Variants in CSMD1 observed in about 807,000 individuals in gnomAD.
CSMD1 encodes CUB and Sushi multiple domains 1, also known as CUB and sushi domain-containing protein 1.
Under a neutral mutation model 417.5 loss-of-function variants are expected in CSMD1, and 213 were observed. The observed-to-expected ratio is 0.51, with a 90% confidence interval of 0.46 to 0.57. The LOEUF is 0.57. CSMD1 is among the 20% of genes least tolerant of loss of function. CSMD1 has a pLI of 0.00. For synonymous variants in CSMD1, 2,862 were observed against 1,736.8 expected (o/e 1.65, Z -16.11); for missense variants, 6,923 against 4,529.7 (o/e 1.53, Z -15.17).
chr8:4,148,218 G>C (rs552656825), intron 3 of CSMD1, among the ~76,000 whole-genome samples: 16 of 152,000 alleles, frequency 1.1e-4, no homozygotes, highest in Admixed American at 7.2e-4. Context: ...AGTTGCTATA[G>C]ACTGGGCAAC....
At chr8:3,335,940 C>G (rs1204739430) in intron 23 of CSMD1, among the ~76,000 whole-genome samples, 1 of 152,178 alleles carries the variant, frequency 6.6e-6, no homozygotes, top group Non-Finnish European at 1.5e-5. Context: ...GTCTGGCCTT[C>G]CTACCCAGCG....
At chr8:4,283,617 C>G (rs1351029452) in intron 3 of CSMD1, among the ~76,000 whole-genome samples, 1 of 152,280 alleles carries the variant, frequency 6.6e-6, no homozygotes, top group African/African-American at 2.4e-5. Flanking sequence ...GGACACGAAA[C>G]TTTCCCAAGA....
chr8:4,744,263 C>T (rs1207048739), intron 1 of CSMD1, among the ~76,000 whole-genome samples: 5 of 152,172 alleles, frequency 3.3e-5, no homozygotes, highest in Admixed American at 2.6e-4. Flanking sequence ...AGCTCAGGGG[C>T]TTGAACTTTG....
At chr8:3,259,865 T>TA (rs11418185) in intron 26 of CSMD1, among the ~76,000 whole-genome samples, 114,830 of 152,108 alleles carry the variant, frequency 0.75, 44,349 homozygotes, top group Non-Finnish European at 0.84. Flanking sequence ...AATATCAAAA[T>TA]AAAATATTAA....
At chr8:3,961,082 C>G (rs571510540) in intron 5 of CSMD1, among the ~76,000 whole-genome samples, 106 of 152,026 alleles carry the variant, frequency 7.0e-4, no homozygotes, top group African/African-American at 2.5e-3. Flanking sequence ...CATGAACAAA[C>G]TCAAAGGCTA....
At chr8:2,940,690 T>C (rs1481927390) in intron 69 of CSMD1, among the ~76,000 whole-genome samples, 1 of 152,218 alleles carries the variant, frequency 6.6e-6, no homozygotes, top group African/African-American at 2.4e-5. Context: ...TCAGAAGTGA[T>C]ATTTATGTAT....
At chr8:3,853,720 G>C (rs140528165) in intron 5 of CSMD1, among the ~76,000 whole-genome samples, 1 of 151,788 alleles carries the variant, frequency 6.6e-6, no homozygotes, top group East Asian at 1.9e-4. Context: ...AAACCACCTC[G>C]GGGTGGGGGG....
intron 3 of CSMD1, among the ~76,000 whole-genome samples, chr8:4,074,428 C>G (rs566315521): frequency 6.6e-6 from 1 of 151,986 alleles, no homozygotes; most frequent in Non-Finnish European, 1.5e-5. Flanking sequence ...GTTTTTTGTA[C>G]ATGATTATTT....
At position 3,580,590 on chromosome 8, in the gene CSMD1, G is replaced by A. The variant is rs985512535; in HGVS notation, c.1223-5524C>T. ...CCAATAACTTAGTAAAAATAATAAG[G>A]AGAAAAATATATTTTCTCCCAGGTG... On this transcript the variant is annotated intron_variant, in intron 9 of 69. Coordinates refer to ENST00000635120, the MANE Select transcript of CSMD1 (RefSeq NM_033225.6). 5.3e-5 allele frequency among the ~76,000 whole-genome samples: 8 copies of A among 152,158 alleles called. No individual in the cohort carries two copies. In the South Asian group the frequency reaches 1.5e-3, roughly 28 times the overall value.
chr8:3,431,465 A>G (rs961807354), intron 12 of CSMD1, among the ~76,000 whole-genome samples: 8 of 152,108 alleles, frequency 5.3e-5, no homozygotes, highest in African/African-American at 1.7e-4. Context: ...TTAAAAGGCT[A>G]TTTAACTGGT....
At chr8:4,923,414 G>T (rs1470682858) in intron 1 of CSMD1, among the ~76,000 whole-genome samples, 1 of 152,156 alleles carries the variant, frequency 6.6e-6, no homozygotes, top group Non-Finnish European at 1.5e-5. Flanking sequence ...AAGGATAAAT[G>T]TTGGAGGGGA....
In CSMD1 at chr8:4,705,185, G is replaced by A. The variant is rs145255718; in HGVS notation, c.86-67627C>T. On this transcript the variant is annotated intron_variant, in intron 1 of 69. Coordinates refer to ENST00000635120, the MANE Select transcript of CSMD1 (RefSeq NM_033225.6). ...TCACCATAATTGTAAGTTTCCTGAG[G>A]CCTTCCCACCCATGAAGAACTGTGA... is the stretch of plus-strand genomic sequence containing the variant. 1.3e-3 allele frequency among the ~76,000 whole-genome samples: 196 copies of A among 152,086 alleles called. 2 individuals carry two copies. The highest frequency in any genetic ancestry group is 4.6e-3 in the African/African-American group (189 of 41,452).
At chr8:4,369,373 T>C (rs1209421177) in intron 3 of CSMD1, among the ~76,000 whole-genome samples, 2 of 152,184 alleles carry the variant, frequency 1.3e-5, no homozygotes, top group Non-Finnish European at 2.9e-5. Context: ...ATGTGGTTGA[T>C]CTTAGACTGT....
At chr8:3,487,540 T>C (rs115889529) in intron 11 of CSMD1, among the ~76,000 whole-genome samples, 2,878 of 152,248 alleles carry the variant, frequency 0.019, 107 homozygotes, top group African/African-American at 0.065. Flanking sequence ...GAATAGCATA[T>C]ATAAATCGAT....
chr8:4,043,012 G>C (rs747330876), intron 3 of CSMD1, among the ~76,000 whole-genome samples: 4 of 151,714 alleles, frequency 2.6e-5, no homozygotes, highest in Admixed American at 1.3e-4. Flanking sequence ...TGCACCTGTA[G>C]TCCCAGCTAC....
intron 7 of CSMD1, among the ~76,000 whole-genome samples, chr8:3,683,819 T>A (rs1480021565): frequency 6.6e-6 from 1 of 152,126 alleles, no homozygotes; most frequent in Admixed American, 6.6e-5. Flanking sequence ...AAACCAATGT[T>A]TGCGTAATCA....
intron 49 of CSMD1, among the ~76,000 whole-genome samples, chr8:3,054,168 G>C (rs1475515971): frequency 1.3e-5 from 2 of 152,092 alleles, no homozygotes; most frequent in Non-Finnish European, 2.9e-5. Context: ...TTGCTGTATT[G>C]GTTCTTTCTT....
intron 18 of CSMD1, among the ~76,000 whole-genome samples, chr8:3,378,896 G>C (rs1810471153): frequency 1.3e-5 from 2 of 152,156 alleles, no homozygotes; most frequent in Admixed American, 6.5e-5. Flanking sequence ...GTTCTGGCCA[G>C]GGTACTCAGG....
At chr8:3,895,107 T>C (rs1563186893) in intron 5 of CSMD1, among the ~76,000 whole-genome samples, 1 of 152,154 alleles carries the variant, frequency 6.6e-6, no homozygotes, top group South Asian at 2.1e-4. Context: ...TCTTAACATA[T>C]TGATTAAATG....
Sources: gnomAD v4.1 joint callset for allele counts (sites outside exome capture counted in the v4.1 genomes callset) on GRCh38, gnomAD v4.1.1 for gene constraint, MANE v1.5 for transcripts, NCBI Gene and HGNC (gene_info 2026-07-23, HGNC 2026-07-21) for gene names.